The following XIRP2 variants were observed in gnomAD, a reference collection of about 807,000 sequenced individuals.
XIRP2 encodes xin actin-binding repeat-containing protein 2.
XIRP2 carries 236 observed loss-of-function variants against 277.0 expected under a neutral mutation model. That is an observed-to-expected ratio of 0.85 (90% confidence interval 0.77 to 0.95). The LOEUF is 0.95. XIRP2 is among the 40% of genes least tolerant of loss of function. The pLI is 0.00. For synonymous variants in XIRP2, 1,490 were observed against 1,416.5 expected, an observed-to-expected ratio of 1.05 and a Z score of -1.17; for missense variants, 4,640 against 4,157.5, an observed-to-expected ratio of 1.12 and a Z score of -3.19.
At chr2:167,039,611 T>C (rs1404244561) in intron 2 of XIRP2, among the ~76,000 whole-genome samples, 2 of 151,916 alleles carry the variant, frequency 1.3e-5, no homozygotes, top group Non-Finnish European at 2.9e-5. Flanking sequence ...ACACACAATG[T>C]GGTATGGAGA....
intron 2 of XIRP2, among the ~76,000 whole-genome samples, chr2:166,914,410 G>T (rs771519111): frequency 6.6e-6 from 1 of 151,938 alleles, no homozygotes; most frequent in Non-Finnish European, 1.5e-5. Flanking sequence ...GTTTGATCTC[G>T]GCTCACTGCA....
chr2:166,942,322 C>T (rs188425652), intron 2 of XIRP2, among the ~76,000 whole-genome samples: 54 of 152,234 alleles, frequency 3.5e-4, no homozygotes, highest in Admixed American at 3.2e-3. Context: ...GCAAAGACAT[C>T]GTAATAATAT....
rs372317160 is a variant in XIRP2 at position 167,259,023 on chromosome 2, G to A, written c.*1206G>A. 2.1e-5 allele frequency: 34 copies of A among 1,609,040 alleles called. No homozygotes were observed. The African/African-American group carries it at 4.4e-4, about 21-fold the overall frequency. ...ACAAATCTCTTAAACATTAAAGGAA[G>A]CCATTCAAAGAGCAAAAATTTACAC... On this transcript the variant is annotated 3_prime_UTR_variant, in exon 11 of 11. Coordinates refer to ENST00000409195, the MANE Select transcript of XIRP2 (RefSeq NM_152381.6).
At chr2:167,182,588 A>T (rs1693048011) in intron 3 of XIRP2, among the ~76,000 whole-genome samples, 1 of 152,202 alleles carries the variant, frequency 6.6e-6, no homozygotes, top group Non-Finnish European at 1.5e-5. Flanking sequence ...TAATCCAAAC[A>T]TGTAGAGTCA....
intron 2 of XIRP2, among the ~76,000 whole-genome samples, chr2:167,109,333 T>G (rs1690686568): frequency 6.6e-6 from 1 of 152,154 alleles, no homozygotes; most frequent in Admixed American, 6.6e-5. Flanking sequence ...CAAGCTGGAG[T>G]GCAGTGATAC....
intron 1 of XIRP2, among the ~76,000 whole-genome samples, chr2:166,902,684 A>G (rs901479455): frequency 6.6e-6 from 1 of 151,946 alleles, no homozygotes; most frequent in East Asian, 1.9e-4. Context: ...ACTCTCTAAA[A>G]CAAGGTGAAA....
intron 2 of XIRP2, among the ~76,000 whole-genome samples, chr2:167,108,723 T>C (rs1690670816): frequency 6.6e-6 from 1 of 152,084 alleles, no homozygotes; most frequent in African/African-American, 2.4e-5. Flanking sequence ...ACACTATACT[T>C]ACATTTGAGT....
intron 2 of XIRP2, among the ~76,000 whole-genome samples, chr2:166,982,327 T>TAAA (rs34827020): frequency 3.5e-4 from 51 of 146,568 alleles, no homozygotes; most frequent in East Asian, 7.9e-4. Flanking sequence ...TTTTTTTTTT[T>TAAA]AAAAAAAAAA....
chr2:167,228,916 A>G (rs989200499), intron 5 of XIRP2, among the ~76,000 whole-genome samples: 21 of 152,150 alleles, frequency 1.4e-4, no homozygotes, highest in African/African-American at 5.1e-4. Context: ...TTTCATTTAG[A>G]AAAGAAATGT....
chr2:167,148,322 C>A (rs1315737505), intron 3 of XIRP2, among the ~76,000 whole-genome samples: 1 of 149,838 alleles, frequency 6.7e-6, no homozygotes, highest in Non-Finnish European at 1.5e-5. Context: ...GCAGAGGTTG[C>A]AGTGAGCCGA....
At chr2:167,130,530 TC>T (rs1691342819) in intron 2 of XIRP2, among the ~76,000 whole-genome samples, 2 of 152,192 alleles carry the variant, frequency 1.3e-5, no homozygotes, top group African/African-American at 2.4e-5. Context: ...AAAGCAAACA[TC>T]TCAGTGGCCC....
At chr2:167,199,314 A>G (rs941330350) in intron 3 of XIRP2, among the ~76,000 whole-genome samples, 1 of 152,220 alleles carries the variant, frequency 6.6e-6, no homozygotes, top group African/African-American at 2.4e-5. Flanking sequence ...CATTCAAACA[A>G]CTTAAAGATA....
intron 2 of XIRP2, among the ~76,000 whole-genome samples, chr2:167,095,079 T>C (rs535102183): frequency 3.3e-5 from 5 of 152,332 alleles, no homozygotes; most frequent in African/African-American, 4.8e-5. Context: ...TTTGTAGCAA[T>C]TGTGAATGGT....
chr2:166,967,209 G>A (rs1172399643), intron 2 of XIRP2, among the ~76,000 whole-genome samples: 5 of 151,804 alleles, frequency 3.3e-5, no homozygotes, highest in Non-Finnish European at 7.4e-5. Flanking sequence ...TAAAACGTTT[G>A]CTGAATCCCT....
rs749878243 is a variant in XIRP2, at chr2:167,250,378, G to A, written c.8986G>A (p.Ala2996Thr). The change falls in exon 9 of 11, where the codon GCA (alanine) becomes ACA (threonine). Residue 2996 changes from alanine to threonine, a missense_variant. Physicochemically the swap from Ala to Thr is moderately conservative, Grantham distance 58. Transcript: ENST00000409195. ...WLISEDKREY[A>T]VHIAMENNLE... is the part of the protein sequence containing the mutation. The stretch of plus-strand genomic sequence containing the variant: ...GATAAGTGAAGATAAGAGAGAATAT[G>A]CAGTTCACATTGCCATGGAGAATAA... The A allele has an allele frequency of 4.3e-6, 7 of 1,613,398 alleles. No individual in the cohort carries two copies. In the African/African-American group the frequency reaches 9.4e-5, roughly 22 times the overall value.
chr2:167,001,426 A>G (rs760574166), intron 2 of XIRP2, among the ~76,000 whole-genome samples: 59 of 152,162 alleles, frequency 3.9e-4, no homozygotes, highest in Admixed American at 2.6e-3. Context: ...ACCTCAAATG[A>G]TATCTATAAT....
chr2:166,956,320 C>T (rs1686160002), intron 2 of XIRP2, among the ~76,000 whole-genome samples: 1 of 151,828 alleles, frequency 6.6e-6, no homozygotes, highest in African/African-American at 2.4e-5. Context: ...AATGAGATAA[C>T]TCATTGCTAA....
At chr2:167,109,608 C>T (rs978553371) in intron 2 of XIRP2, among the ~76,000 whole-genome samples, 3 of 151,974 alleles carry the variant, frequency 2.0e-5, no homozygotes, top group African/African-American at 4.8e-5. Flanking sequence ...ACCAGTCTAA[C>T]GTTCATGGGC....
intron 2 of XIRP2, among the ~76,000 whole-genome samples, chr2:166,970,908 G>A (rs933628941): frequency 1.1e-4 from 17 of 151,732 alleles, no homozygotes; most frequent in Non-Finnish European, 2.5e-4. Context: ...AATGTACAAA[G>A]GTAGAAATAG....
Sources: allele counts gnomAD v4.1 joint callset (sites outside exome capture counted in the v4.1 genomes callset), GRCh38; gene constraint gnomAD v4.1.1; transcripts MANE v1.5; gene names NCBI Gene and HGNC (gene_info 2026-07-23, HGNC 2026-07-21).